The following LRRC31 variants were observed in gnomAD, a reference collection of about 807,000 sequenced individuals.
The protein encoded by LRRC31 is leucine rich repeat containing 31, also known as leucine-rich repeat-containing protein 31.
In LRRC31, 35 loss-of-function variants were observed where a neutral mutation model predicts 46.7. The ratio of observed to expected loss-of-function variants is 0.75; its 90% CI spans 0.57 to 0.99. The LOEUF (loss-of-function observed/expected upper bound fraction) is 0.99, where lower values mean the gene tolerates loss of function less well. Ranked by LOEUF, LRRC31 falls within the 50% of genes least tolerant of loss-of-function variation. The pLI is 0.00. For synonymous variants in LRRC31, 236 were observed against 235.1 expected (o/e 1.00, Z -0.03); for missense variants, 613 against 626.1 (o/e 0.98, Z 0.22).
intron 2 of LRRC31, among the ~76,000 whole-genome samples, 181 bp downstream of exon 2, chr3:169,861,489 A>AG (rs1296492258): frequency 6.6e-6 from 1 of 151,090 alleles, no homozygotes; most frequent in African/African-American, 2.4e-5. Flanking sequence ...ACTGCACTCC[A>AG]GCCTGGGTGA....
At chr3:169,844,203 T>C (rs900946965) in intron 8 of LRRC31, among the ~76,000 whole-genome samples, 3 of 152,046 alleles carry the variant, frequency 2.0e-5, no homozygotes, top group Non-Finnish European at 1.5e-5. Context: ...ACAAATATCC[T>C]CAACAGAATA....
At chr3:169,846,857 A>T (rs1471509591) in intron 8 of LRRC31, among the ~76,000 whole-genome samples, 1 of 152,210 alleles carries the variant, frequency 6.6e-6, no homozygotes, top group Non-Finnish European at 1.5e-5. Flanking sequence ...TCTGTTTTTT[A>T]AAATATGCCA....
At chr3:169,848,745 C>T (rs1412099119) in intron 7 of LRRC31, among the ~76,000 whole-genome samples, 2 of 152,302 alleles carry the variant, frequency 1.3e-5, no homozygotes, top group Admixed American at 6.5e-5. Flanking sequence ...CGTGAACCAC[C>T]GCGCCCAGCC....
At chr3:169,861,536 G>T in intron 2 of LRRC31, 134 bp downstream of exon 2, 1 of 810,916 alleles carries the variant, frequency 1.2e-6, no homozygotes, top group Non-Finnish European at 1.9e-6. Flanking sequence ...AAAAAAAAGC[G>T]ATGCTGTTTC....
rs148964169 is a variant in LRRC31, at chr3:169,851,819, G to A, written c.992-33C>T. 531 of 1,606,922 alleles carry A rather than the reference G, an allele frequency of 3.3e-4. 2 individuals carry two copies. The African/African-American group carries it at 5.7e-3, about 17-fold the overall frequency. ...AAATATCAACAGTGACATGTTTTAG[G>A]CACCATCTCACAGGGAGTCTTCTGG... On this transcript the variant is annotated intron_variant, in intron 6 of 8. Coordinates refer to ENST00000316428, the MANE Select transcript of LRRC31 (RefSeq NM_024727.4).
At position 169,861,772 on chromosome 3, in the gene LRRC31, C is replaced by G; in HGVS notation, c.217G>C (p.Glu73Gln). 1.2e-6 allele frequency: 2 copies of G among 1,614,136 alleles called. No homozygotes were observed. The highest frequency in any genetic ancestry group is 1.3e-5 in the African/African-American group (1 of 75,050). The change falls in exon 2 of 9, where the codon GAG becomes CAG. Residue 73 changes from glutamate (E) to glutamine (Q), a missense_variant. Coordinates refer to ENST00000316428, the MANE Select transcript of LRRC31 (RefSeq NM_024727.4). ...TTCTGCAGGAAATGCTCATTTTTCTCCATACTGGATCTCCATTCCATTTCT... is the reference window on the plus strand; with the variant it reads ...TTCTGCAGGAAATGCTCATTTTTCTGCATACTGGATCTCCATTCCATTTCT... ...SSEMEWRSSM[E>Q]KNEHFLQKLG...
intron 1 of LRRC31, among the ~76,000 whole-genome samples, chr3:169,867,385 G>A (rs1781365784): frequency 1.3e-5 from 2 of 151,042 alleles, no homozygotes; most frequent in Admixed American, 6.6e-5. Flanking sequence ...AGCCTCCCGA[G>A]TAGCTGGGAT....
At chr3:169,852,304 G>A (rs1780805602) in intron 6 of LRRC31, among the ~76,000 whole-genome samples, 1 of 149,842 alleles carries the variant, frequency 6.7e-6, no homozygotes, top group Admixed American at 6.7e-5. Context: ...TCGGGAGGCT[G>A]AGACAGGAGA....
At position 169,869,896 on chromosome 3, in the gene LRRC31, C is replaced by A. The variant is rs112238324; in HGVS notation, c.-89G>T. ...TTCTAAGAAGAAAAGAAGATTCTGT[C>A]AAGCCTGTGTTCAATCAAAATATCC... On this transcript the variant is annotated 5_prime_UTR_variant, in exon 1 of 9. Transcript: ENST00000316428. 1.3e-3 allele frequency: 1,636 copies of A among 1,261,102 alleles called. 17 individuals carry two copies. In the African/African-American group the frequency reaches 0.022, roughly 17 times the overall value. The allele number at this position is 1,261,102 out of a possible 1,614,324, so 78.1% of individuals were successfully genotyped here.
chr3:169,866,830 C>T (rs1202237559), intron 1 of LRRC31, among the ~76,000 whole-genome samples: 11 of 152,044 alleles, frequency 7.2e-5, no homozygotes, highest in South Asian at 2.1e-4. Context: ...GGCATGGTGG[C>T]GGACACCTGT....
chr3:169,857,339 TATATATACACAC>T (rs1357833175), intron 3 of LRRC31, among the ~76,000 whole-genome samples: 1 of 112,402 alleles, frequency 8.9e-6, no homozygotes, highest in African/African-American at 3.2e-5. Flanking sequence ...TATATATATA[TATATATACACAC>T]ACACACACAC....
At chr3:169,849,392 T>G (rs1780691441) in intron 7 of LRRC31, among the ~76,000 whole-genome samples, 3 of 152,222 alleles carry the variant, frequency 2.0e-5, no homozygotes, top group Admixed American at 2.0e-4. Context: ...TTGATCATGA[T>G]TCATTGATTG....
chr3:169,868,322 C>T (rs751940408), intron 1 of LRRC31, among the ~76,000 whole-genome samples: 12 of 151,978 alleles, frequency 7.9e-5, no homozygotes, highest in African/African-American at 2.9e-4. Flanking sequence ...CTAAGTGGCT[C>T]GCTTTATTCA....
chr3:169,866,601 CTG>C (rs1189759678), intron 1 of LRRC31, among the ~76,000 whole-genome samples: 4 of 152,070 alleles, frequency 2.6e-5, no homozygotes, highest in African/African-American at 9.7e-5. Flanking sequence ...GCTGCTAAAA[CTG>C]TATTATTTTT....
intron 4 of LRRC31, 91 bp from the exon 5 acceptor site, chr3:169,856,594 C>T (rs1188287709): frequency 7.4e-7 from 1 of 1,348,728 alleles, no homozygotes; most frequent in East Asian, 2.6e-5. Context: ...AAACTCCACT[C>T]CCCTCCTACA....
intron 7 of LRRC31, among the ~76,000 whole-genome samples, chr3:169,850,715 A>T (rs1780733918): frequency 3.3e-5 from 5 of 152,176 alleles, no homozygotes. Context: ...CAGTTATAAG[A>T]GTTAAATTGG....
Position 169,857,318 on chromosome 3 carries a change from C to A in LRRC31, c.488-446G>T, listed in dbSNP as rs185364583. ...CTCCAATGTCAAGAATATCACATGC[C>A]TATATATATATATATATATATATAT... On this transcript the variant is annotated intron_variant, in intron 3 of 8. Coordinates refer to ENST00000316428, the MANE Select transcript of LRRC31 (RefSeq NM_024727.4). Among the ~76,000 whole-genome samples the A allele has an allele frequency of 6.0e-3, 396 of 66,354 alleles. 6 individuals are homozygous for A. The highest frequency in any genetic ancestry group is 0.019 in the African/African-American group (357 of 18,590). 43.5% of individuals were successfully genotyped at this position (66,354 alleles called of 152,430 possible). A position where few individuals can be genotyped will look rare whatever the true frequency, so the allele number is the denominator to read the frequency against.
intron 6 of LRRC31, 106 bp from the exon 7 acceptor site, chr3:169,851,892 C>T: frequency 8.8e-7 from 1 of 1,137,012 alleles, no homozygotes; most frequent in South Asian, 1.4e-5. Context: ...ATACAGCTCT[C>T]CCCACCCCGG....
chr3:169,855,827 T>C (rs111869148), intron 5 of LRRC31, among the ~76,000 whole-genome samples: 3,736 of 152,236 alleles, frequency 0.025, 142 homozygotes, highest in African/African-American at 0.086. Context: ...TCAGAGTCAG[T>C]CATACTAAAG....
Sources: allele counts gnomAD v4.1 joint callset (sites outside exome capture counted in the v4.1 genomes callset), GRCh38; gene constraint gnomAD v4.1.1; transcripts MANE v1.5; gene names NCBI Gene and HGNC (gene_info 2026-07-23, HGNC 2026-07-21).